AGAP6: variants seen among roughly 807,000 people sequenced by gnomAD.
AGAP6 encodes the protein arf-GAP with GTPase, ANK repeat and PH domain-containing protein 6.
AGAP6 carries 29 observed loss-of-function variants against 63.9 expected under a neutral mutation model. The ratio of observed to expected loss-of-function variants is 0.45; its 90% CI spans 0.34 to 0.62. The LOEUF (loss-of-function observed/expected upper bound fraction) is 0.62, where lower values mean the gene tolerates loss of function less well. Among genes scored for constraint, AGAP6 ranks in the 20% least tolerant of loss-of-function variants. AGAP6 has a pLI of 0.01. For missense variants in AGAP6, 493 were observed against 884.9 expected (o/e 0.56, Z 5.62); for synonymous variants, 199 against 332.9 (o/e 0.60, Z 4.38).
In AGAP6 at chr10:50,002,096, C is replaced by T. The variant is rs1554863049; in HGVS notation, c.497C>T (p.Ser166Phe). ...CATTATCTTACAATGACAATAATAT[C>T]GTGAGTACAACTATGCTGCCGAGGG... The part of the protein sequence containing the change: ...IQHYLTMTII[S>F]VTLEIPHHIT... The change falls in exon 5 of 8, where the codon TCT becomes TTT. Residue 166 changes from serine (S) to phenylalanine (F), a missense_variant and splice_region_variant. Physicochemically the swap from Ser to Phe is radical, Grantham distance 155. This residue lies in a region of AGAP6 where 342 missense variants were observed against 533.4 expected (regional missense o/e 0.64). Transcript: ENST00000412531. The T allele has an allele frequency of 2.5e-6, 4 of 1,606,016 alleles. No individual in the cohort carries two copies. The highest frequency in any genetic ancestry group is 1.3e-5 in the African/African-American group (1 of 74,088).
chr10:49,999,140 A>C (rs1259114751), intron 4 of AGAP6, among the ~76,000 whole-genome samples: 3 of 137,354 alleles, frequency 2.2e-5, no homozygotes, highest in Non-Finnish European at 4.6e-5. Flanking sequence ...CAGGTGGCTG[A>C]GGCAGGAGAA....
At position 49,994,521 on chromosome 10, in the gene AGAP6, G is replaced by A. The variant is rs369340914; in HGVS notation, c.396+92G>A. The A allele has an allele frequency of 2.3e-4, 329 of 1,435,066 alleles. 3 individuals carry two copies. In the South Asian group the frequency reaches 3.8e-3, roughly 16 times the overall value. 88.9% of individuals were successfully genotyped at this position (1,435,066 alleles called of 1,614,324 possible). A position where few individuals can be genotyped will look rare whatever the true frequency, so the allele number is the denominator to read the frequency against. ...TTTAAATTACAATGTGGACCTGGTG[G>A]TGGTAGCATGGACCTCTTTTTGTGG... On this transcript the variant is annotated intron_variant, in intron 4 of 7. Coordinates refer to ENST00000412531, the MANE Select transcript of AGAP6 (RefSeq NM_001077665.3).
At position 49,988,870 on chromosome 10, in the gene AGAP6, C is replaced by G. The variant is rs1460844769; in HGVS notation, c.155C>G (p.Ala52Gly). Reference sequence around the variant, plus strand: ...CCCATGGCTGCTGCTGTACAGCCTGCTGAGGTGACTGTTGAAGTTGGTGAG... The same window carrying G: ...CCCATGGCTGCTGCTGTACAGCCTGGTGAGGTGACTGTTGAAGTTGGTGAG... ...GAPMAAAVQP[A>G]EVTVEVGEDL... Residue 52 changes from alanine (A) to glycine (G), a missense_variant, in exon 1 of 8, where the codon GCT (alanine) becomes GGT (glycine). By Grantham distance (60) the Ala-to-Gly change is moderately conservative. Around this residue, in one of 7 missense-constraint regions of AGAP6, gnomAD observed 342 missense variants for 533.4 expected, o/e 0.64. Coordinates refer to ENST00000412531, the MANE Select transcript of AGAP6 (RefSeq NM_001077665.3). The G allele has an allele frequency of 6.3e-7, 1 of 1,599,466 alleles. No homozygotes were observed. The highest frequency in any genetic ancestry group is 1.3e-5 in the African/African-American group (1 of 74,624).
intron 3 of AGAP6, among the ~76,000 whole-genome samples, chr10:49,992,792 C>A (rs1486589837): frequency 6.6e-6 from 1 of 151,810 alleles, no homozygotes; most frequent in Non-Finnish European, 1.5e-5. Context: ...TATGGAGTCT[C>A]ACTCTGTTGC....
chr10:49,990,291 A>G (rs1841217227), intron 2 of AGAP6, among the ~76,000 whole-genome samples: 1 of 152,128 alleles, frequency 6.6e-6, no homozygotes, highest in South Asian at 2.1e-4. Context: ...AAAAAAATAC[A>G]AAAATTAGCT....
chr10:50,004,663 T>G (rs1310937587), intron 5 of AGAP6, 22 bp from the exon 6 acceptor site: 2 of 1,219,802 alleles, frequency 1.6e-6, no homozygotes, highest in South Asian at 1.5e-5. Context: ...TCTATTGTTA[T>G]GAATTTTTTT....
At chr10:49,991,461 T>A (rs572101061) in intron 2 of AGAP6, among the ~76,000 whole-genome samples, 2 of 148,870 alleles carry the variant, frequency 1.3e-5, no homozygotes, top group Non-Finnish European at 3.0e-5. Context: ...CTGACCTGGG[T>A]TCAAGTGATT....
At chr10:50,001,220 C>T (rs1841681183) in intron 4 of AGAP6, among the ~76,000 whole-genome samples, 1 of 148,560 alleles carries the variant, frequency 6.7e-6, no homozygotes, top group African/African-American at 2.5e-5. Flanking sequence ...GTCCCAGCTA[C>T]TCAGGAGGCT....
At chr10:49,995,659 C>T (rs540663529) in intron 4 of AGAP6, among the ~76,000 whole-genome samples, 2 of 152,256 alleles carry the variant, frequency 1.3e-5, no homozygotes, top group East Asian at 1.9e-4. Flanking sequence ...TGGGATCTCA[C>T]GTAACTGCTG....
intron 7 of AGAP6, among the ~76,000 whole-genome samples, chr10:50,008,414 C>A (rs1431307880): frequency 6.6e-6 from 1 of 151,594 alleles, no homozygotes; most frequent in Non-Finnish European, 1.5e-5. Context: ...AAGCAATTCT[C>A]CTGCCTCAGC....
rs782314900 is a variant in AGAP6 at position 49,991,674 on chromosome 10, A to G, written c.293-2A>G. On this transcript the variant is annotated splice_acceptor_variant, in intron 2 of 7. Coordinates refer to ENST00000412531, the MANE Select transcript of AGAP6 (RefSeq NM_001077665.3). LOFTEE classifies it high-confidence loss of function. ...TTTTCTTTTCTTCCTCTGTGCATAT[A>G]GCTTTGGAGTTTAACCCTTCTGCCA... is the stretch of plus-strand genomic sequence containing the variant. 8.8e-6 allele frequency: 14 copies of G among 1,598,482 alleles called. No individual in the cohort carries two copies. Among genetic ancestry groups the G allele is most frequent in the Non-Finnish European group, 6.8e-6 (8 of 1,179,726 alleles).
chr10:49,990,487 A>G (rs1331016017), intron 2 of AGAP6, among the ~76,000 whole-genome samples: 17 of 152,370 alleles, frequency 1.1e-4, no homozygotes, highest in African/African-American at 3.6e-4. Flanking sequence ...TTTAGTCTCT[A>G]TGCTGTTGGC....
At position 50,009,298 on chromosome 10, in the gene AGAP6, G is replaced by T; in HGVS notation, c.1173G>T (p.Pro391=). ...GCACCACCAGCCCCAAGCTCAACCC[G>T]CCCCCCTCTCCTCATGCTAATAAAA... ...ISSTTSPKLN[P]PPSPHANKKK... The change falls in exon 8 of 8, where the codon CCG becomes CCT. Residue 391 remains proline, a synonymous_variant. Transcript: ENST00000412531. 6.2e-7 allele frequency: 1 copy of T among 1,613,542 alleles called. No homozygotes were observed. Among genetic ancestry groups the T allele is most frequent in the Non-Finnish European group, 8.5e-7 (1 of 1,179,748 alleles).
At chr10:50,004,966 T>G (rs1313930937) in intron 6 of AGAP6, among the ~76,000 whole-genome samples, 1 of 152,212 alleles carries the variant, frequency 6.6e-6, no homozygotes, top group Non-Finnish European at 1.5e-5. Flanking sequence ...ACAGTTGAAA[T>G]TTTTTCAAAA....
In AGAP6 at chr10:50,009,580, G is replaced by A; in HGVS notation, c.1455G>A (p.Gln485=). ...CCCACTGTGTGGACTGTGAGACCCA[G>A]AATCCTAAGTGGGCCAGTTTGAACT... ...GNAHCVDCET[Q]NPKWASLNLG... Residue 485 remains glutamine (Q), a synonymous_variant, in exon 8 of 8, where the codon CAG becomes CAA. Coordinates refer to ENST00000412531, the MANE Select transcript of AGAP6 (RefSeq NM_001077665.3). 13 of 1,614,094 alleles carry A rather than the reference G, an allele frequency of 8.1e-6. No homozygotes were observed. The highest frequency in any genetic ancestry group is 1.1e-5 in the Non-Finnish European group (13 of 1,180,002).
Position 49,999,195 on chromosome 10 carries a change from C to T in AGAP6, c.397-2801C>T, listed in dbSNP as rs184816566. ...AGAGGTTGCAGTGAGCCAAGATCAC[C>T]GCACTGCATACTCCAGCCTGGGCAA... On this transcript the variant is annotated intron_variant, in intron 4 of 7. Coordinates refer to ENST00000412531, the MANE Select transcript of AGAP6 (RefSeq NM_001077665.3). Among the ~76,000 whole-genome samples the T allele has an allele frequency of 1.2e-3, 160 of 136,622 alleles. 26 individuals carry two copies. In the East Asian group the frequency reaches 0.032, roughly 27 times the overall value. 89.6% of individuals were successfully genotyped at this position (136,622 alleles called of 152,430 possible). A position where few individuals can be genotyped will look rare whatever the true frequency, so the allele number is the denominator to read the frequency against.
chr10:49,993,412 G>A (rs1165602199), intron 3 of AGAP6, among the ~76,000 whole-genome samples: 6 of 152,084 alleles, frequency 3.9e-5, no homozygotes, highest in Non-Finnish European at 8.8e-5. Context: ...GCAAAGCATG[G>A]CCCAAGTCCC....
Position 50,008,730 on chromosome 10 carries a change from T to C in AGAP6, c.605T>C (p.Met202Thr), listed in dbSNP as rs781903137. The change falls in exon 8 of 8, where the codon ATG becomes ACG. Residue 202 changes from methionine (M) to threonine (T), a missense_variant. By Grantham distance (81) the Met-to-Thr change is moderately conservative (BLOSUM62 -1). Around this residue, in one of 7 missense-constraint regions of AGAP6, gnomAD observed 342 missense variants for 533.4 expected, o/e 0.64. Coordinates refer to ENST00000412531, the MANE Select transcript of AGAP6 (RefSeq NM_001077665.3). ...ACACAGGTTTCCACCGTGCACATTA[T>C]GAAGAAAAGAAATGGAGGTGGGAGT... is the stretch of plus-strand genomic sequence containing the variant. ...HSFAVSTVHIMKKRNGGGSLN... is the reference protein window; with the variant it reads ...HSFAVSTVHITKKRNGGGSLN... The C allele has an allele frequency of 5.0e-6, 8 of 1,614,160 alleles. No individual in the cohort carries two copies. The highest frequency in any genetic ancestry group is 2.2e-5 in the South Asian group (2 of 91,080).
chr10:49,999,455 G>A lies in AGAP6; in HGVS notation c.397-2541G>A, dbSNP rs1253528496. Among the ~76,000 whole-genome samples, 2 of 139,714 alleles carry A rather than the reference G, an allele frequency of 1.4e-5. 1 individual carries two copies. Among genetic ancestry groups the A allele is most frequent in the Non-Finnish European group, 3.0e-5 (2 of 65,856 alleles). 91.7% of individuals were successfully genotyped at this position (139,714 alleles called of 152,430 possible). A position where few individuals can be genotyped will look rare whatever the true frequency, so the allele number is the denominator to read the frequency against. ...CCCTCAGCAAAATCAGCATAGAAGG[G>A]TCACAGCTCAATATAAGAAAAGCCA... On this transcript the variant is annotated intron_variant, in intron 4 of 7. Coordinates refer to ENST00000412531, the MANE Select transcript of AGAP6 (RefSeq NM_001077665.3).
Sources: gnomAD v4.1 joint callset for allele counts (sites outside exome capture counted in the v4.1 genomes callset) on GRCh38, gnomAD v4.1.1 for gene constraint, gnomAD v4.1.1 regional missense constraint, MANE v1.5 for transcripts, NCBI Gene and HGNC (gene_info 2026-07-23, HGNC 2026-07-21) for gene names.